Variants in SGCD observed in about 807,000 individuals in gnomAD.
SGCD encodes sarcoglycan delta.
A neutral mutation model predicts 36.6 loss-of-function variants in SGCD; 18 were observed. The ratio of observed to expected loss-of-function variants is 0.49; its 90% CI spans 0.34 to 0.73. The LOEUF (loss-of-function observed/expected upper bound fraction) is 0.73, where lower values mean the gene tolerates loss of function less well. Ranked by LOEUF, SGCD falls within the 30% of genes least tolerant of loss-of-function variation. The pLI, the probability that SGCD is intolerant of heterozygous loss-of-function variation, is 0.01. For missense variants in SGCD, 387 were observed against 346.7 expected, an observed-to-expected ratio of 1.12 and a Z score of -0.92; for synonymous variants, 133 against 130.6, an observed-to-expected ratio of 1.02 and a Z score of -0.12.
intron 3 of SGCD, among the ~76,000 whole-genome samples, chr5:156,255,370 A>G (rs1581198909): frequency 6.6e-6 from 1 of 152,180 alleles, no homozygotes; most frequent in African/African-American, 2.4e-5. Flanking sequence ...TCCTTATTAG[A>G]CTGGGCCTCT....
intron 3 of SGCD, among the ~76,000 whole-genome samples, chr5:156,270,929 T>C (rs965580097): frequency 1.3e-5 from 2 of 152,168 alleles, no homozygotes; most frequent in African/African-American, 4.8e-5. Context: ...CAACCTTTAG[T>C]ATAAAAAATA....
rs144774547 is a variant in SGCD, at chr5:156,688,736, C to T, written c.575+41200C>T. Among the ~76,000 whole-genome samples the T allele has an allele frequency of 1.4e-3, 220 of 152,268 alleles. 4 individuals carry two copies. In the East Asian group the frequency reaches 0.033, roughly 23 times the overall value. ...TGGGTTCCTTCCCCACCCCTTGACT[C>T]GATGGCTCTGTTGGATGGTATTCAG... On this transcript the variant is annotated intron_variant, in intron 7 of 8. Coordinates refer to ENST00000337851, the MANE Select transcript of SGCD (RefSeq NM_000337.6).
At chr5:156,584,010 G>T (rs986966764) in intron 4 of SGCD, among the ~76,000 whole-genome samples, 2 of 152,100 alleles carry the variant, frequency 1.3e-5, no homozygotes, top group Non-Finnish European at 2.9e-5. Flanking sequence ...ACTAGGAAAG[G>T]AAAGGATTTC....
At chr5:156,019,790 C>T (rs534029144) in intron 1 of SGCD, among the ~76,000 whole-genome samples, 6 of 152,284 alleles carry the variant, frequency 3.9e-5, no homozygotes, top group South Asian at 2.1e-4. Flanking sequence ...CCATAATGTG[C>T]GGTAGTGATC....
At chr5:155,833,885 A>G in the SGCD span, among the ~76,000 whole-genome samples, 5 of 152,246 alleles carry the variant, frequency 3.3e-5, no homozygotes, top group Admixed American at 3.3e-4. Context: ...CAGTGAATAC[A>G]GAATGCAAAA....
At chr5:156,475,425 A>G (rs1755137503) in intron 3 of SGCD, among the ~76,000 whole-genome samples, 1 of 152,194 alleles carries the variant, frequency 6.6e-6, no homozygotes, top group Non-Finnish European at 1.5e-5. Flanking sequence ...GCTGAGATTC[A>G]TGCAGAAGAG....
intron 7 of SGCD, among the ~76,000 whole-genome samples, chr5:156,713,823 C>T (rs1755105506): frequency 6.6e-6 from 1 of 152,156 alleles, no homozygotes; most frequent in Admixed American, 6.5e-5. Context: ...TAGTATTTTC[C>T]CAACTAAACA....
chr5:156,692,004 G>T (rs1340681151), intron 7 of SGCD, among the ~76,000 whole-genome samples: 4 of 152,120 alleles, frequency 2.6e-5, no homozygotes, highest in Non-Finnish European at 2.9e-5. Flanking sequence ...TTGATGTGTG[G>T]AACTGATATT....
chr5:156,076,788 A>C (rs1444959679), intron 1 of SGCD, among the ~76,000 whole-genome samples: 7 of 152,220 alleles, frequency 4.6e-5, no homozygotes, highest in Non-Finnish European at 8.8e-5. Flanking sequence ...GGATTAGAGA[A>C]AAGAGGCTGT....
the SGCD span, among the ~76,000 whole-genome samples, chr5:155,842,188 A>G: frequency 3.3e-5 from 5 of 151,692 alleles, no homozygotes; most frequent in South Asian, 4.2e-4. Context: ...TCTCTGGACT[A>G]CTTGATCATA....
intron 1 of SGCD, among the ~76,000 whole-genome samples, chr5:155,874,331 A>G (rs1755720657): frequency 6.6e-6 from 1 of 152,114 alleles, no homozygotes; most frequent in Admixed American, 6.6e-5. Flanking sequence ...ATTTCTAGAA[A>G]CTGTTTGAAG....
chr5:156,489,133 A>G (rs532396131), intron 3 of SGCD, among the ~76,000 whole-genome samples: 1 of 152,082 alleles, frequency 6.6e-6, no homozygotes, highest in Non-Finnish European at 1.5e-5. Context: ...GACAAAGATG[A>G]TCATTATATA....
In SGCD at chr5:156,028,468, C is replaced by T. The variant is rs2127574982; in HGVS notation, c.-281-89410C>T. Reference sequence around the variant, plus strand: ...TTACCCTCTAATATCTCAGTTTCTTCCTATGTAAAATGATAGCAATAATTT... The same window carrying T: ...TTACCCTCTAATATCTCAGTTTCTTTCTATGTAAAATGATAGCAATAATTT... On this transcript the variant is annotated intron_variant, in intron 1 of 9. Transcript: ENST00000517913. Among the ~76,000 whole-genome samples, 5 of 152,170 alleles carry T rather than the reference C, an allele frequency of 3.3e-5. 1 individual carries two copies. The South Asian group carries it at 1.0e-3, about 32-fold the overall frequency.
At chr5:156,490,966 C>T (rs1755912444) in intron 3 of SGCD, among the ~76,000 whole-genome samples, 1 of 152,018 alleles carries the variant, frequency 6.6e-6, no homozygotes, top group Admixed American at 6.5e-5. Context: ...CTAAATACTC[C>T]ACCAGAAAAC....
At chr5:156,027,672 T>A (rs1759253927) in intron 1 of SGCD, among the ~76,000 whole-genome samples, 1 of 152,174 alleles carries the variant, frequency 6.6e-6, no homozygotes, top group Non-Finnish European at 1.5e-5. Flanking sequence ...GAATGAATGA[T>A]CTAATGAGGG....
chr5:156,496,314 T>C (rs1171639377), intron 3 of SGCD, among the ~76,000 whole-genome samples: 1 of 152,112 alleles, frequency 6.6e-6, no homozygotes, highest in African/African-American at 2.4e-5. Flanking sequence ...CCATGGAATG[T>C]GCTTATAATT....
At chr5:156,328,297 T>C (rs538794646) in intron 1 of SGCD, among the ~76,000 whole-genome samples, 7 of 152,360 alleles carry the variant, frequency 4.6e-5, no homozygotes, top group Non-Finnish European at 7.3e-5. Flanking sequence ...ACCTTACAAC[T>C]GCTTTACAAT....
At chr5:156,345,408 T>C (rs1018812616) in intron 3 of SGCD, among the ~76,000 whole-genome samples, 2 of 152,234 alleles carry the variant, frequency 1.3e-5, no homozygotes, top group African/African-American at 4.8e-5. Flanking sequence ...GAAATTCTGA[T>C]CTATACTAGT....
intron 1 of SGCD, among the ~76,000 whole-genome samples, chr5:155,976,186 A>G (rs1431358660): frequency 6.6e-6 from 1 of 152,190 alleles, no homozygotes; most frequent in Non-Finnish European, 1.5e-5. Context: ...AAAGAACTGG[A>G]AATCACTAGG....
Sources: allele counts gnomAD v4.1 joint callset (sites outside exome capture counted in the v4.1 genomes callset), GRCh38; gene constraint gnomAD v4.1.1; transcripts MANE v1.5; gene names NCBI Gene and HGNC (gene_info 2026-07-23, HGNC 2026-07-21).